CNTN5: variants seen among roughly 807,000 people sequenced by gnomAD.
CNTN5 encodes the protein contactin-5.
CNTN5 carries 77 observed loss-of-function variants against 129.1 expected under a neutral mutation model. That is an observed-to-expected ratio of 0.60 (90% CI 0.50 to 0.72). The LOEUF is 0.72. Ranked by LOEUF, CNTN5 falls within the 30% of genes least tolerant of loss-of-function variation. CNTN5 has a pLI of 0.00. For missense variants in CNTN5, 1,478 were observed against 1,328.8 expected, an observed-to-expected ratio of 1.11 and a Z score of -1.75; for synonymous variants, 509 against 465.6, an observed-to-expected ratio of 1.09 and a Z score of -1.20.
At chr11:99,770,418 A>G (rs912073100) in intron 3 of CNTN5, among the ~76,000 whole-genome samples, 1 of 152,088 alleles carries the variant, frequency 6.6e-6, no homozygotes, top group African/African-American at 2.4e-5. Context: ...AGAAAAGCGT[A>G]TACATGTGTG....
chr11:99,220,482 A>G (rs929265584), intron 1 of CNTN5, among the ~76,000 whole-genome samples: 6 of 151,920 alleles, frequency 3.9e-5, no homozygotes. Flanking sequence ...TCTTAAATGC[A>G]TGATACTCCT....
intron 2 of CNTN5, among the ~76,000 whole-genome samples, chr11:99,488,774 G>T (rs562407874): frequency 2.0e-5 from 3 of 152,136 alleles, no homozygotes; most frequent in Non-Finnish European, 4.4e-5. Flanking sequence ...TTCTAACTTT[G>T]CCACATGCTG....
At chr11:99,927,594 G>A (rs545363803) in intron 7 of CNTN5, among the ~76,000 whole-genome samples, 60 of 152,122 alleles carry the variant, frequency 3.9e-4, no homozygotes, top group Admixed American at 1.4e-3. Context: ...AGCAAAAGGC[G>A]GAAAAGCCCC....
chr11:100,085,899 A>C (rs1944533644), intron 13 of CNTN5, among the ~76,000 whole-genome samples: 1 of 152,084 alleles, frequency 6.6e-6, no homozygotes, highest in Admixed American at 6.6e-5. Flanking sequence ...TCCTGGGGGA[A>C]CTGCCATTGA....
intron 17 of CNTN5, among the ~76,000 whole-genome samples, chr11:100,266,126 C>T (rs1400332999): frequency 1.3e-5 from 2 of 151,984 alleles, no homozygotes; most frequent in Non-Finnish European, 2.9e-5. Flanking sequence ...TTGGGTGGCT[C>T]ATACTTGTGG....
chr11:100,019,372 C>T (rs1941005177), intron 9 of CNTN5, among the ~76,000 whole-genome samples: 3 of 151,976 alleles, frequency 2.0e-5, no homozygotes, highest in South Asian at 4.1e-4. Context: ...CAAACTTGGT[C>T]ATCACCATTC....
chr11:99,734,173 G>C (rs759407395), intron 3 of CNTN5, among the ~76,000 whole-genome samples: 1 of 152,136 alleles, frequency 6.6e-6, no homozygotes, highest in Non-Finnish European at 1.5e-5. Flanking sequence ...CATACACTGC[G>C]TAATAATCAT....
At chr11:99,445,913 G>T (rs1256598723) in intron 2 of CNTN5, among the ~76,000 whole-genome samples, 2 of 151,762 alleles carry the variant, frequency 1.3e-5, no homozygotes, top group East Asian at 3.9e-4. Context: ...GTGAAACTCT[G>T]TCTCTACTAA....
chr11:99,956,171 C>G (rs911155772), intron 7 of CNTN5, among the ~76,000 whole-genome samples: 1 of 151,350 alleles, frequency 6.6e-6, no homozygotes, highest in Non-Finnish European at 1.5e-5. Context: ...TTATGAAGTA[C>G]GTAATATTCT....
At chr11:99,617,908 C>A (rs554342420) in intron 3 of CNTN5, among the ~76,000 whole-genome samples, 1 of 152,112 alleles carries the variant, frequency 6.6e-6, no homozygotes, top group Non-Finnish European at 1.5e-5. Context: ...TTCCCATGTC[C>A]TGTACTAGAG....
At chr11:99,739,954 T>C (rs1247439371) in intron 3 of CNTN5, among the ~76,000 whole-genome samples, 2 of 152,106 alleles carry the variant, frequency 1.3e-5, no homozygotes, top group Non-Finnish European at 2.9e-5. Flanking sequence ...CATTGATCTT[T>C]ATATGTTAAG....
At chr11:100,314,083 T>C (rs1379103552) in intron 21 of CNTN5, among the ~76,000 whole-genome samples, 4 of 152,118 alleles carry the variant, frequency 2.6e-5, no homozygotes, top group Admixed American at 2.6e-4. Context: ...GAATGGTTGG[T>C]GGAAATAGTT....
chr11:100,260,914 C>A (rs1363104292), intron 17 of CNTN5, among the ~76,000 whole-genome samples: 1 of 152,120 alleles, frequency 6.6e-6, no homozygotes, highest in East Asian at 1.9e-4. Flanking sequence ...ATCACCATTT[C>A]TATTAAAAAT....
chr11:99,521,061 A>T (rs1177071069), intron 2 of CNTN5, among the ~76,000 whole-genome samples: 1 of 152,176 alleles, frequency 6.6e-6, no homozygotes, highest in African/African-American at 2.4e-5. Flanking sequence ...TAGAAGAGCC[A>T]GAACCAAAAC....
In CNTN5 at chr11:99,078,250, A is replaced by G. The variant is rs77412077; in HGVS notation, c.-210+56980A>G. On this transcript the variant is annotated intron_variant, in intron 1 of 24. Coordinates refer to ENST00000524871, the MANE Select transcript of CNTN5 (RefSeq NM_014361.4). ...AGGAAATTAGTTTTCACTGATATTA[A>G]GCATACTACTTGCAGAAAGACATGT... Among the ~76,000 whole-genome samples the G allele has an allele frequency of 3.0e-3, 461 of 152,328 alleles. 6 individuals carry two copies. Among genetic ancestry groups the G allele is most frequent in the African/African-American group, 0.011 (449 of 41,576 alleles).
intron 16 of CNTN5, among the ~76,000 whole-genome samples, chr11:100,239,225 A>C (rs1395073087): frequency 6.6e-6 from 1 of 152,248 alleles, no homozygotes; most frequent in Non-Finnish European, 1.5e-5. Flanking sequence ...TCATGTGTGA[A>C]GTAAACACTG....
At chr11:99,841,851 CAT>C (rs1316870501) in intron 4 of CNTN5, among the ~76,000 whole-genome samples, 11 of 135,290 alleles carry the variant, frequency 8.1e-5, no homozygotes, top group South Asian at 2.4e-4. Flanking sequence ...CACACACACA[CAT>C]ATATATACAC....
chr11:99,206,647 AC>A (rs1565402589), intron 1 of CNTN5, among the ~76,000 whole-genome samples: 1 of 152,002 alleles, frequency 6.6e-6, no homozygotes, highest in African/African-American at 2.4e-5. Flanking sequence ...AACTAAGTAT[AC>A]CTTCTGTTGC....
rs556673854 is a variant in CNTN5, at chr11:99,184,297, A to G, written c.-209-141049A>G. ...CATTATACTATGTCTCTACTTAACT[A>G]CTGACAGTACTTGAGTGTGCCATGT... On this transcript the variant is annotated intron_variant, in intron 1 of 24. Transcript: ENST00000524871. Among the ~76,000 whole-genome samples, 453 of 152,106 alleles carry G rather than the reference A, an allele frequency of 3.0e-3. 3 individuals carry two copies. Among genetic ancestry groups the G allele is most frequent in the Non-Finnish European group, 3.7e-3 (251 of 67,950 alleles).
Sources: allele counts gnomAD v4.1 joint callset (sites outside exome capture counted in the v4.1 genomes callset), GRCh38; gene constraint gnomAD v4.1.1; transcripts MANE v1.5; gene names NCBI Gene and HGNC (gene_info 2026-07-23, HGNC 2026-07-21).